The following GRIA1 variants were observed in gnomAD, a reference collection of about 807,000 sequenced individuals.
GRIA1 encodes the protein glutamate receptor 1.
GRIA1 carries 31 observed loss-of-function variants against 99.2 expected under a neutral mutation model. That is an observed-to-expected ratio of 0.31 (90% CI 0.23 to 0.42). The LOEUF is 0.42. Ranked by LOEUF, GRIA1 falls within the 10% of genes least tolerant of loss-of-function variation. GRIA1 has a pLI of 1.00. For synonymous variants in GRIA1, 438 were observed against 432.4 expected, an observed-to-expected ratio of 1.01 and a Z score of -0.16; for missense variants, 782 against 1,157.5, an observed-to-expected ratio of 0.68 and a Z score of 4.71.
chr5:153,704,263 G>A (rs1292301075), intron 10 of GRIA1, among the ~76,000 whole-genome samples: 2 of 152,252 alleles, frequency 1.3e-5, no homozygotes, highest in African/African-American at 4.8e-5. Flanking sequence ...CTTCTGGGCT[G>A]TTGTACAGCA....
intron 10 of GRIA1, among the ~76,000 whole-genome samples, chr5:153,702,602 A>G (rs979861174): frequency 1.3e-5 from 2 of 152,230 alleles, no homozygotes; most frequent in Non-Finnish European, 2.9e-5. Flanking sequence ...CTGCTAGGTC[A>G]GTGATTCTAG....
intron 11 of GRIA1, among the ~76,000 whole-genome samples, chr5:153,754,553 G>T (rs897091146): frequency 6.6e-6 from 1 of 152,132 alleles, no homozygotes; most frequent in African/African-American, 2.4e-5. Context: ...GAAGGCTTTG[G>T]GCTTCACTAG....
At chr5:153,723,448 C>T (rs1216906330) in intron 11 of GRIA1, among the ~76,000 whole-genome samples, 5 of 152,244 alleles carry the variant, frequency 3.3e-5, no homozygotes, top group African/African-American at 1.2e-4. Context: ...GGCATTGCCT[C>T]ACTCGGGAAA....
chr5:153,699,052 G>T lies in GRIA1; in HGVS notation c.1431G>T (p.Met477Ile). ...CTGACACGAAGGCCTGGAATGGCATGGTGGGAGAGCTGGTCTATGGAGTAA... is the reference window on the plus strand; with the variant it reads ...CTGACACGAAGGCCTGGAATGGCATTGTGGGAGAGCTGGTCTATGGAGTAA... ...RDPDTKAWNG[M>I]VGELVYGRAD... is the part of the protein sequence containing the mutation. Residue 477 changes from methionine to isoleucine, a missense_variant, in exon 10 of 16, where the codon ATG becomes ATT. By Grantham distance (10) the Met-to-Ile change is conservative. This residue lies in a region of GRIA1 where 87 missense variants were observed against 184.5 expected (regional missense o/e 0.47). Coordinates refer to ENST00000285900, the MANE Select transcript of GRIA1 (RefSeq NM_000827.4). The T allele has an allele frequency of 6.2e-7, 1 of 1,613,372 alleles. No individual in the cohort carries two copies. The highest frequency in any genetic ancestry group is 8.5e-7 in the Non-Finnish European group (1 of 1,179,406).
In GRIA1 at chr5:153,554,836, T is replaced by G. The variant is rs1191734625; in HGVS notation, c.220+60771T>G. Among the ~76,000 whole-genome samples, 5 of 152,190 alleles carry G rather than the reference T, an allele frequency of 3.3e-5. No homozygotes were observed. The South Asian group carries it at 1.0e-3, about 32-fold the overall frequency. On this transcript the variant is annotated intron_variant, in intron 2 of 15. Transcript: ENST00000285900. ...AGAAAACTCATCCAAGTGATTTTGA[T>G]GCAGGTAGTAGGCCAGATGCAGAGA...
At chr5:153,635,176 A>G (rs570643100) in intron 2 of GRIA1, among the ~76,000 whole-genome samples, 138 of 152,346 alleles carry the variant, frequency 9.1e-4, no homozygotes, top group African/African-American at 3.1e-3. Flanking sequence ...AAGAATGGCA[A>G]ATAAGAAACA....
At chr5:153,640,743 A>T (rs1024573924) in intron 2 of GRIA1, among the ~76,000 whole-genome samples, 6 of 152,334 alleles carry the variant, frequency 3.9e-5, no homozygotes, top group Non-Finnish European at 8.8e-5. Flanking sequence ...GTGAAGGTAG[A>T]AAACATGTCT....
chr5:153,528,924 G>A (rs1026334589), intron 2 of GRIA1, among the ~76,000 whole-genome samples: 2 of 152,068 alleles, frequency 1.3e-5, no homozygotes, highest in Admixed American at 1.3e-4. Flanking sequence ...ATGTGTCCTT[G>A]CATAGGTTGG....
chr5:153,804,963 G>A (rs1333178906), intron 15 of GRIA1, among the ~76,000 whole-genome samples: 1 of 151,682 alleles, frequency 6.6e-6, no homozygotes, highest in Non-Finnish European at 1.5e-5. Flanking sequence ...TGTTGACCGG[G>A]CTGGTCTCAA....
chr5:153,520,282 G>A (rs114285409), intron 2 of GRIA1, among the ~76,000 whole-genome samples: 11 of 152,240 alleles, frequency 7.2e-5, no homozygotes, highest in Non-Finnish European at 1.3e-4. Flanking sequence ...GAAGGTGAAG[G>A]GCACAGAGGT....
chr5:153,790,468 A>G (rs534888249), intron 13 of GRIA1, among the ~76,000 whole-genome samples: 6 of 152,200 alleles, frequency 3.9e-5, no homozygotes, highest in South Asian at 4.2e-4. Context: ...GCAAAACTGA[A>G]CCCCAAATCT....
At chr5:153,633,294 C>CT (rs1458053007) in intron 2 of GRIA1, among the ~76,000 whole-genome samples, 4 of 152,208 alleles carry the variant, frequency 2.6e-5, no homozygotes, top group Non-Finnish European at 5.9e-5. Context: ...TAATTTGAAT[C>CT]TCAGCCTTTT....
At chr5:153,542,347 C>T (rs1012919983) in intron 2 of GRIA1, among the ~76,000 whole-genome samples, 2 of 152,144 alleles carry the variant, frequency 1.3e-5, no homozygotes, top group African/African-American at 4.8e-5. Context: ...CTGTTAATTA[C>T]TGAGCAGCTG....
At chr5:153,712,764 C>T (rs1056338494) in intron 11 of GRIA1, among the ~76,000 whole-genome samples, 2 of 152,210 alleles carry the variant, frequency 1.3e-5, no homozygotes, top group Admixed American at 6.5e-5. Flanking sequence ...AAATGATGAG[C>T]AGGAAATGTG....
At chr5:153,614,139 A>G (rs1367206420) in intron 2 of GRIA1, among the ~76,000 whole-genome samples, 1 of 152,154 alleles carries the variant, frequency 6.6e-6, no homozygotes, top group Non-Finnish European at 1.5e-5. Flanking sequence ...TTCTTAGATC[A>G]CACACCATAC....
intron 13 of GRIA1, among the ~76,000 whole-genome samples, chr5:153,787,188 A>G (rs906413774): frequency 1.3e-5 from 2 of 152,140 alleles, no homozygotes; most frequent in Admixed American, 6.5e-5. Context: ...ACAAGGCTGG[A>G]TATATTGGAC....
At chr5:153,664,288 T>A (rs573718735) in intron 5 of GRIA1, among the ~76,000 whole-genome samples, 16 of 152,174 alleles carry the variant, frequency 1.1e-4, no homozygotes, top group Middle Eastern at 6.3e-3. Flanking sequence ...AATACCATAA[T>A]AATCCTTATG....
chr5:153,717,627 C>A (rs775020561), intron 11 of GRIA1, among the ~76,000 whole-genome samples: 1 of 152,114 alleles, frequency 6.6e-6, no homozygotes, highest in Non-Finnish European at 1.5e-5. Context: ...AAAGTGTCAC[C>A]TTAGAAACAC....
At chr5:153,682,800 G>A (rs1211016403) in intron 7 of GRIA1, among the ~76,000 whole-genome samples, 1 of 152,178 alleles carries the variant, frequency 6.6e-6, no homozygotes, top group East Asian at 1.9e-4. Flanking sequence ...TCTGAATAAA[G>A]TCTTCTTCAC....
Sources: gnomAD v4.1 joint callset for allele counts (sites outside exome capture counted in the v4.1 genomes callset) on GRCh38, gnomAD v4.1.1 for gene constraint, gnomAD v4.1.1 regional missense constraint, MANE v1.5 for transcripts, NCBI Gene and HGNC (gene_info 2026-07-23, HGNC 2026-07-21) for gene names.